Variants in HIP1 observed in about 807,000 individuals in gnomAD.
HIP1 encodes the protein huntingtin interacting protein 1, also known as huntingtin-interacting protein 1.
Under a neutral mutation model 147.6 loss-of-function variants are expected in HIP1, and 65 were observed. The ratio of observed to expected loss-of-function variants is 0.44; its 90% CI spans 0.36 to 0.54. The LOEUF (loss-of-function observed/expected upper bound fraction) is 0.54, where lower values mean the gene tolerates loss of function less well. Among genes scored for constraint, HIP1 ranks in the 20% least tolerant of loss-of-function variants. HIP1 has a pLI of 0.00. For synonymous variants in HIP1, 479 were observed against 504.0 expected (o/e 0.95, Z 0.67); for missense variants, 1,061 against 1,299.6 (o/e 0.82, Z 2.82).
intron 1 of HIP1, among the ~76,000 whole-genome samples, chr7:75,694,403 C>T (rs1554518538): frequency 6.6e-6 from 1 of 152,034 alleles, no homozygotes; most frequent in Admixed American, 6.6e-5. Flanking sequence ...AACTTCATTT[C>T]CTTACCTCTA....
intron 1 of HIP1, among the ~76,000 whole-genome samples, chr7:75,691,569 C>T (rs1275398658): frequency 2.0e-5 from 3 of 151,838 alleles, no homozygotes; most frequent in Non-Finnish European, 4.4e-5. Flanking sequence ...GAGGCTGAGG[C>T]GGGTGGATTA....
chr7:75,593,192 C>T (rs1299570859), intron 2 of HIP1, among the ~76,000 whole-genome samples: 1 of 152,164 alleles, frequency 6.6e-6, no homozygotes, highest in African/African-American at 2.4e-5. Flanking sequence ...TGGTCTCAAG[C>T]TCCTGGCCTC....
intron 1 of HIP1, among the ~76,000 whole-genome samples, chr7:75,620,174 C>T (rs1797797921): frequency 6.6e-6 from 1 of 151,818 alleles, no homozygotes; most frequent in African/African-American, 2.4e-5. Flanking sequence ...TGTTTGAGCC[C>T]AGGAGTTCAA....
chr7:75,677,839 C>G (rs1799947634), intron 1 of HIP1, among the ~76,000 whole-genome samples: 1 of 151,882 alleles, frequency 6.6e-6, no homozygotes, highest in South Asian at 2.1e-4. Flanking sequence ...AACAAACAAA[C>G]AAACAAACAA....
intron 1 of HIP1, among the ~76,000 whole-genome samples, chr7:75,635,057 G>T (rs939321406): frequency 6.6e-6 from 1 of 151,130 alleles, no homozygotes; most frequent in Non-Finnish European, 1.5e-5. Context: ...TGATAGCGTT[G>T]ACTCTATTTC....
intron 1 of HIP1, among the ~76,000 whole-genome samples, chr7:75,677,543 T>C (rs577773258): frequency 6.7e-6 from 1 of 148,864 alleles, no homozygotes; most frequent in Admixed American, 6.8e-5. Context: ...AGGTGGAGTT[T>C]GCAGTGAGCC....
chr7:75,546,246 C>T (rs782156017), intron 25 of HIP1, among the ~76,000 whole-genome samples: 4 of 151,990 alleles, frequency 2.6e-5, no homozygotes, highest in Non-Finnish European at 5.9e-5. Context: ...TGTTTTTATG[C>T]TTTGGAAGTG....
intron 1 of HIP1, among the ~76,000 whole-genome samples, chr7:75,737,096 A>T (rs1802045413): frequency 1.3e-5 from 2 of 151,568 alleles, no homozygotes; most frequent in Non-Finnish European, 2.9e-5. Flanking sequence ...TAATTTTAAA[A>T]TTTTTTCAAA....
chr7:75,632,541 CCAT>C (rs1319968861), intron 1 of HIP1, among the ~76,000 whole-genome samples: 2 of 150,412 alleles, frequency 1.3e-5, no homozygotes, highest in Non-Finnish European at 2.9e-5. Flanking sequence ...GCGCACACCA[CCAT>C]GCCTGGCTAA....
Position 75,538,053 on chromosome 7 carries a change from G to T in HIP1, c.*119C>A. The stretch of plus-strand genomic sequence containing the variant: ...GTGTCATGCATGTCCTCGGCACTGG[G>T]TAATGGCAGTGGTGTGGCTGCCCCT... On this transcript the variant is annotated 3_prime_UTR_variant, in exon 31 of 31. Transcript: ENST00000336926. 1 of 806,188 alleles carries T rather than the reference G, an allele frequency of 1.2e-6. No homozygotes were observed. The highest frequency in any genetic ancestry group is 2.2e-6 in the Non-Finnish European group (1 of 448,166). The allele number at this position is 806,188 out of a possible 1,614,324, so 49.9% of individuals were successfully genotyped here.
intron 1 of HIP1, among the ~76,000 whole-genome samples, chr7:75,702,542 C>T (rs1800870115): frequency 6.6e-6 from 1 of 152,236 alleles, no homozygotes; most frequent in Non-Finnish European, 1.5e-5. Context: ...CTGTGCCTGG[C>T]AAGGCTGGGT....
intron 1 of HIP1, among the ~76,000 whole-genome samples, chr7:75,713,752 A>C (rs1448582666): frequency 1.3e-5 from 2 of 150,068 alleles, no homozygotes; most frequent in African/African-American, 2.5e-5. Flanking sequence ...GCTGGAGTGC[A>C]GTGGCATGAT....
At chr7:75,648,492 GC>G (rs1456776267) in intron 1 of HIP1, among the ~76,000 whole-genome samples, 1 of 152,112 alleles carries the variant, frequency 6.6e-6, no homozygotes, top group Non-Finnish European at 1.5e-5. Context: ...CACTGCTGTT[GC>G]CCCGATATTA....
chr7:75,658,568 T>G (rs1459551529), intron 1 of HIP1, among the ~76,000 whole-genome samples: 6 of 151,944 alleles, frequency 3.9e-5, no homozygotes, highest in Admixed American at 1.3e-4. Context: ...GTTTGGGTAT[T>G]GGCATGTGTG....
intron 1 of HIP1, among the ~76,000 whole-genome samples, chr7:75,632,901 C>T (rs587615248): frequency 6.6e-6 from 1 of 152,284 alleles, no homozygotes; most frequent in Admixed American, 6.5e-5. Context: ...CAAAATGACA[C>T]AGGAACAGAA....
rs1310998978 is a variant in HIP1, at chr7:75,692,443, CAG to C, written c.120+46356_120+46357del. 3.3e-5 allele frequency among the ~76,000 whole-genome samples: 5 copies of C among 150,046 alleles called. No individual in the cohort carries two copies. In the East Asian group the frequency reaches 5.8e-4, roughly 18 times the overall value. On this transcript the variant is annotated intron_variant, in intron 1 of 30. Transcript: ENST00000336926. Reference sequence around the variant, plus strand: ...CCTGGCTAATTTTTTTTTTTTGAGACAGATTCTTGTTCTATCACCCAGGCTGG... The same window carrying C: ...CCTGGCTAATTTTTTTTTTTTGAGACATTCTTGTTCTATCACCCAGGCTGG...
At chr7:75,687,631 C>T (rs1449629396) in intron 1 of HIP1, among the ~76,000 whole-genome samples, 5 of 152,184 alleles carry the variant, frequency 3.3e-5, no homozygotes, top group African/African-American at 1.2e-4. Flanking sequence ...GCAGAGGTTG[C>T]AGTGAGCCGA....
intron 1 of HIP1, among the ~76,000 whole-genome samples, chr7:75,705,815 G>A (rs1442826997): frequency 6.6e-6 from 1 of 152,160 alleles, no homozygotes; most frequent in Non-Finnish European, 1.5e-5. Flanking sequence ...CTCTTCATGA[G>A]CCTGCCTTCA....
intron 1 of HIP1, among the ~76,000 whole-genome samples, chr7:75,673,950 C>T (rs2117252302): frequency 6.6e-6 from 1 of 151,954 alleles, no homozygotes; most frequent in Admixed American, 6.6e-5. Flanking sequence ...TGTACCACTG[C>T]ACTCCAGCCC....
Sources: allele counts gnomAD v4.1 joint callset (sites outside exome capture counted in the v4.1 genomes callset), GRCh38; gene constraint gnomAD v4.1.1; transcripts MANE v1.5; gene names NCBI Gene and HGNC (gene_info 2026-07-23, HGNC 2026-07-21).